Variants in PSD3 observed in about 807,000 individuals in gnomAD.
The protein encoded by PSD3 is pleckstrin and Sec7 domain containing 3.
In PSD3, 49 loss-of-function variants were observed where a neutral mutation model predicts 105.5. The observed-to-expected ratio is 0.46, with a 90% confidence interval of 0.37 to 0.59. PSD3 has a LOEUF of 0.59. Among genes scored for constraint, PSD3 ranks in the 20% least tolerant of loss-of-function variants. The probability of loss-of-function intolerance (pLI) is 0.00; values close to 1 mark genes in which losing one functional copy is unlikely to be tolerated. For synonymous variants in PSD3, 557 were observed against 457.8 expected, an observed-to-expected ratio of 1.22 and a Z score of -2.77; for missense variants, 1,561 against 1,263.8, an observed-to-expected ratio of 1.24 and a Z score of -3.57.
intron 8 of PSD3, among the ~76,000 whole-genome samples, chr8:18,793,406 T>G (rs1274908842): frequency 1.4e-5 from 2 of 147,166 alleles, no homozygotes; most frequent in Admixed American, 1.4e-4. Flanking sequence ...GGTGACGAGA[T>G]GATCTGTGCA....
chr8:18,802,985 C>T (rs939833746), intron 6 of PSD3, among the ~76,000 whole-genome samples: 2 of 152,092 alleles, frequency 1.3e-5, no homozygotes, highest in Admixed American at 6.6e-5. Context: ...TCCAAAGTAT[C>T]ACCTTAAAAG....
At chr8:19,009,437 C>A (rs1377740115) in intron 1 of PSD3, among the ~76,000 whole-genome samples, 1 of 152,164 alleles carries the variant, frequency 6.6e-6, no homozygotes, top group Admixed American at 6.5e-5. Context: ...GGTTCCTTAA[C>A]CTCTCCTGAC....
At chr8:18,801,582 G>C (rs989185706) in intron 6 of PSD3, among the ~76,000 whole-genome samples, 200 bp from the exon 7 acceptor site, 1 of 152,092 alleles carries the variant, frequency 6.6e-6, no homozygotes, top group African/African-American at 2.4e-5. Flanking sequence ...TCTATAAAAA[G>C]CACTGTGGGA....
intron 1 of PSD3, among the ~76,000 whole-genome samples, chr8:19,069,238 A>C (rs1003765681): frequency 6.6e-6 from 1 of 152,210 alleles, no homozygotes; most frequent in Non-Finnish European, 1.5e-5. Context: ...GGGGAGTTTT[A>C]AAATCTAATA....
At chr8:18,681,000 T>TG (rs5889816) in intron 9 of PSD3, among the ~76,000 whole-genome samples, 1 of 151,948 alleles carries the variant, frequency 6.6e-6, no homozygotes, top group East Asian at 1.9e-4. Flanking sequence ...AACCATTATG[T>TG]TTTAATGGCC....
chr8:18,579,285 C>T lies in PSD3; in HGVS notation c.2482-4000G>A, dbSNP rs182214665. Among the ~76,000 whole-genome samples the T allele has an allele frequency of 5.4e-3, 822 of 152,208 alleles. 3 individuals are homozygous for T. The highest frequency in any genetic ancestry group is 8.0e-3 in the Non-Finnish European group (541 of 68,000). ...GGTAGAATTGGGCAGGAAGAAATAACGGATAAATCATCGTAATCAAACCAT... is the reference window on the plus strand; with the variant it reads ...GGTAGAATTGGGCAGGAAGAAATAATGGATAAATCATCGTAATCAAACCAT... On this transcript the variant is annotated intron_variant, in intron 12 of 15. Transcript: ENST00000327040.
chr8:18,535,576 C>CA lies in PSD3; in HGVS notation c.*166dup, dbSNP rs1187815370. The CA allele has an allele frequency of 1.6e-6, 1 of 628,876 alleles. No individual in the cohort carries two copies. Among genetic ancestry groups the CA allele is most frequent in the African/African-American group, 1.8e-5 (1 of 54,378 alleles). 39.0% of individuals were successfully genotyped at this position (628,876 alleles called of 1,614,324 possible). The stretch of plus-strand genomic sequence containing the variant: ...TCATCAAAGCAAAAGAAATCAAGAG[C>CA]AAAGACAATCTGTACAGAAACTAAC... On this transcript the variant is annotated 3_prime_UTR_variant, in exon 16 of 16. Transcript: ENST00000327040.
chr8:18,570,725 C>G lies in PSD3; in HGVS notation c.2784+1803G>C, dbSNP rs552667433. Among the ~76,000 whole-genome samples, 114 of 151,794 alleles carry G rather than the reference C, an allele frequency of 7.5e-4. 1 individual carries two copies. The highest frequency in any genetic ancestry group is 2.7e-3 in the African/African-American group (112 of 41,414). Reference sequence around the variant, plus strand: ...CAGCCAAAAAACACATGAAAAAATGCTCATCATCACTGGCCATCAGAGAAA... The same window carrying G: ...CAGCCAAAAAACACATGAAAAAATGGTCATCATCACTGGCCATCAGAGAAA... On this transcript the variant is annotated intron_variant, in intron 14 of 15. Coordinates refer to ENST00000327040, the MANE Select transcript of PSD3 (RefSeq NM_015310.4).
At chr8:18,591,226 C>T (rs1000034025) in intron 12 of PSD3, among the ~76,000 whole-genome samples, 2 of 152,120 alleles carry the variant, frequency 1.3e-5, no homozygotes, top group Non-Finnish European at 2.9e-5. Flanking sequence ...GCCTCAGCAC[C>T]AGAAGAGAAT....
intron 4 of PSD3, among the ~76,000 whole-genome samples, chr8:18,806,908 C>A (rs1414785868): frequency 6.6e-6 from 1 of 152,200 alleles, no homozygotes; most frequent in East Asian, 1.9e-4. Flanking sequence ...AAAAGCAGTA[C>A]TGCTAATGGG....
At chr8:18,616,983 T>C (rs1460691479) in intron 11 of PSD3, among the ~76,000 whole-genome samples, 1 of 152,144 alleles carries the variant, frequency 6.6e-6, no homozygotes, top group African/African-American at 2.4e-5. Flanking sequence ...GTAACTTCAA[T>C]TATAAGGTAA....
Position 18,968,855 on chromosome 8 carries a change from G to C in PSD3, c.22-32713C>G, listed in dbSNP as rs1824450306. 4.3e-5 allele frequency among the ~76,000 whole-genome samples: 5 copies of C among 117,176 alleles called. No homozygotes were observed. In the South Asian group the frequency reaches 1.3e-3, roughly 31 times the overall value. The allele number at this position is 117,176 out of a possible 152,430, so 76.9% of individuals were successfully genotyped here. ...CGCGCCACTGCACTGCAGCCTGCGT[G>C]ACAGAGCAAAAAAAAAATGTCTCCA... On this transcript the variant is annotated intron_variant, in intron 1 of 15. Coordinates refer to ENST00000327040, the MANE Select transcript of PSD3 (RefSeq NM_015310.4).
intron 9 of PSD3, among the ~76,000 whole-genome samples, chr8:18,757,968 G>C (rs1163276677): frequency 6.6e-6 from 1 of 152,002 alleles, no homozygotes; most frequent in African/African-American, 2.4e-5. Context: ...TGGCTGAATA[G>C]ACAAACTGCC....
intron 1 of PSD3, among the ~76,000 whole-genome samples, chr8:19,039,525 C>G (rs546089794): frequency 6.6e-6 from 1 of 152,290 alleles, no homozygotes; most frequent in African/African-American, 2.4e-5. Context: ...ACATGGACTC[C>G]AGTCCCTGAT....
chr8:18,828,050 T>TATA (rs1197297095), intron 4 of PSD3, among the ~76,000 whole-genome samples: 1 of 107,982 alleles, frequency 9.3e-6, no homozygotes, highest in Non-Finnish European at 1.9e-5. Flanking sequence ...TATATATGTA[T>TATA]ATATATATAT....
At chr8:18,911,437 G>A (rs1038865695) in intron 2 of PSD3, among the ~76,000 whole-genome samples, 2 of 152,060 alleles carry the variant, frequency 1.3e-5, no homozygotes, top group African/African-American at 2.4e-5. Context: ...ATGCTTGACT[G>A]GGCATGGCAG....
intron 9 of PSD3, among the ~76,000 whole-genome samples, chr8:18,700,740 T>C (rs1049173187): frequency 6.6e-6 from 1 of 152,196 alleles, no homozygotes; most frequent in African/African-American, 2.4e-5. Flanking sequence ...CCTTTGGTTT[T>C]TTCTTTCTTT....
At chr8:18,875,831 C>T (rs902098785) in intron 2 of PSD3, among the ~76,000 whole-genome samples, 6 of 152,200 alleles carry the variant, frequency 3.9e-5, no homozygotes, top group African/African-American at 1.4e-4. Flanking sequence ...GCCATGGCGC[C>T]TGGCCATTCC....
rs115781213 is a variant in PSD3 at position 18,588,268 on chromosome 8, C to G, written c.2481+12096G>C. Among the ~76,000 whole-genome samples, 588 of 152,220 alleles carry G rather than the reference C, an allele frequency of 3.9e-3. 6 individuals carry two copies. Among genetic ancestry groups the G allele is most frequent in the African/African-American group, 0.014 (562 of 41,528 alleles). ...ACAGATTAAGAAGAAACTACAGAAC[C>G]AGGTAGAAACCACACAATCAGGTAG... On this transcript the variant is annotated intron_variant, in intron 12 of 15. Transcript: ENST00000327040.
Sources: allele counts gnomAD v4.1 joint callset (sites outside exome capture counted in the v4.1 genomes callset), GRCh38; gene constraint gnomAD v4.1.1; transcripts MANE v1.5; gene names NCBI Gene and HGNC (gene_info 2026-07-23, HGNC 2026-07-21).